The following PDZD2 variants were observed in gnomAD, a reference collection of about 807,000 sequenced individuals.
The protein encoded by PDZD2 is PDZ domain-containing protein 2.
A neutral mutation model predicts 220.7 loss-of-function variants in PDZD2; 90 were observed. The ratio of observed to expected loss-of-function variants is 0.41; its 90% CI spans 0.34 to 0.49. The LOEUF (loss-of-function observed/expected upper bound fraction) is 0.49, where lower values mean the gene tolerates loss of function less well. PDZD2 is among the 20% of genes least tolerant of loss of function. The probability of loss-of-function intolerance (pLI) is 0.28; values close to 1 mark genes in which losing one functional copy is unlikely to be tolerated. For synonymous variants in PDZD2, 1,375 were observed against 1,450.5 expected, an observed-to-expected ratio of 0.95 and a Z score of 1.18; for missense variants, 3,174 against 3,608.5, an observed-to-expected ratio of 0.88 and a Z score of 3.08.
chr5:31,690,201 G>A (rs1469048987), intron 1 of PDZD2, among the ~76,000 whole-genome samples: 1 of 152,022 alleles, frequency 6.6e-6, no homozygotes, highest in Non-Finnish European at 1.5e-5. Context: ...CACCCTTAGA[G>A]GGTTGCATTT....
intron 7 of PDZD2, among the ~76,000 whole-genome samples, chr5:32,043,506 G>A (rs1056063924): frequency 6.6e-6 from 1 of 152,228 alleles, no homozygotes; most frequent in Non-Finnish European, 1.5e-5. Context: ...GTGCCTTCTA[G>A]GTGCTGTGCC....
Position 31,946,072 on chromosome 5 carries a change from G to A in PDZD2, c.477-37083G>A, listed in dbSNP as rs192805241. Among the ~76,000 whole-genome samples the A allele has an allele frequency of 1.4e-3, 210 of 152,188 alleles. 1 individual carries two copies. The highest frequency in any genetic ancestry group is 4.9e-3 in the African/African-American group (204 of 41,528). ...GGCTGGAGTGCAGTGGCACGATCCC[G>A]GCGCACTGCAACCTCTGCCTCTCAG... is the stretch of plus-strand genomic sequence containing the variant. On this transcript the variant is annotated intron_variant, in intron 2 of 24. Transcript: ENST00000438447.
At chr5:31,911,059 T>C (rs949905668) in intron 2 of PDZD2, among the ~76,000 whole-genome samples, 1 of 152,232 alleles carries the variant, frequency 6.6e-6, no homozygotes, top group Non-Finnish European at 1.5e-5. Flanking sequence ...AAGAGGTTCA[T>C]AATATAATTT....
chr5:31,866,899 T>G (rs776689333), intron 2 of PDZD2, among the ~76,000 whole-genome samples: 10 of 152,186 alleles, frequency 6.6e-5, no homozygotes, highest in African/African-American at 1.9e-4. Flanking sequence ...CTTAAGGAAC[T>G]GAAATAATAG....
rs564441617 is a variant in PDZD2, at chr5:31,929,637, G to A, written c.477-53518G>A. ...GGCTGAGGCGGGTGGATCACCTGAG[G>A]TCGGGAGTTTGAAACCAGCCTGGCC... On this transcript the variant is annotated intron_variant, in intron 2 of 24. Transcript: ENST00000438447. Among the ~76,000 whole-genome samples, 7 of 152,268 alleles carry A rather than the reference G, an allele frequency of 4.6e-5. No individual in the cohort carries two copies. The East Asian group carries it at 1.4e-3, about 29-fold the overall frequency.
intron 2 of PDZD2, among the ~76,000 whole-genome samples, chr5:31,909,666 A>G (rs1376083715): frequency 6.6e-6 from 1 of 152,236 alleles, no homozygotes; most frequent in Non-Finnish European, 1.5e-5. Context: ...AGTGATATAC[A>G]TGAAATAGTC....
rs185962171 is a variant in PDZD2, at chr5:31,943,048, C to A, written c.477-40107C>A. Among the ~76,000 whole-genome samples the A allele has an allele frequency of 2.9e-3, 436 of 152,178 alleles. 3 individuals are homozygous for A. Among genetic ancestry groups the A allele is most frequent in the South Asian group, 0.016 (77 of 4,806 alleles). ...TGAAATCCCGTCTCTACCAAAAATA[C>A]AAAAATCAGCTGGGCGTGGTGGCAC... On this transcript the variant is annotated intron_variant, in intron 2 of 24. Coordinates refer to ENST00000438447, the MANE Select transcript of PDZD2 (RefSeq NM_178140.4).
intron 13 of PDZD2, among the ~76,000 whole-genome samples, chr5:32,060,656 T>C (rs1260774015): frequency 2.0e-5 from 3 of 152,214 alleles, no homozygotes; most frequent in African/African-American, 7.2e-5. Context: ...GGAATAATTT[T>C]ACTTACTCAA....
intron 6 of PDZD2, among the ~76,000 whole-genome samples, chr5:32,013,814 G>A (rs188298921): frequency 8.9e-4 from 135 of 152,210 alleles, no homozygotes; most frequent in African/African-American, 3.1e-3. Context: ...CCCATCACAA[G>A]GCACTCACGG....
intron 1 of PDZD2, among the ~76,000 whole-genome samples, chr5:31,761,049 G>C (rs981638646): frequency 4.6e-5 from 7 of 152,184 alleles, no homozygotes; most frequent in African/African-American, 1.7e-4. Context: ...ACTCCGTGTG[G>C]GGAGGGGCAC....
Position 31,651,915 on chromosome 5 carries a change from G to A in PDZD2, c.-361+12478G>A, listed in dbSNP as rs1456406961. Among the ~76,000 whole-genome samples the A allele has an allele frequency of 2.0e-5, 3 of 149,232 alleles. No individual in the cohort carries two copies. The Admixed American group carries it at 2.0e-4, about 10-fold the overall frequency. On this transcript the variant is annotated intron_variant, in intron 1 of 24. Transcript: ENST00000438447. ...TCACTGGAACTTCCACCCTCTCTGG[G>A]TTCAAGCAATTTTCCTGTCTCAGCC...
intron 2 of PDZD2, among the ~76,000 whole-genome samples, chr5:31,869,803 C>G (rs1738608831): frequency 6.6e-6 from 1 of 152,108 alleles, no homozygotes; most frequent in South Asian, 2.1e-4. Context: ...AGTGCTGCAG[C>G]CGAGCTCACA....
chr5:32,054,198 G>A (rs1212163022), intron 10 of PDZD2, among the ~76,000 whole-genome samples: 1 of 151,796 alleles, frequency 6.6e-6, no homozygotes, highest in African/African-American at 2.4e-5. Context: ...TGAGAGTTTG[G>A]GGTCCATTCT....
At chr5:31,651,359 C>T (rs1580517437) in intron 1 of PDZD2, among the ~76,000 whole-genome samples, 1 of 152,318 alleles carries the variant, frequency 6.6e-6, no homozygotes, top group East Asian at 1.9e-4. Flanking sequence ...GTAACCAGAA[C>T]TTTGCCCGAG....
intron 8 of PDZD2, among the ~76,000 whole-genome samples, chr5:32,050,874 A>G (rs1738475174): frequency 6.6e-6 from 1 of 152,208 alleles, no homozygotes; most frequent in East Asian, 1.9e-4. Flanking sequence ...TGACCTCTCC[A>G]GTAAAACTTT....
At chr5:31,944,889 G>A (rs1472511265) in intron 2 of PDZD2, among the ~76,000 whole-genome samples, 1 of 152,248 alleles carries the variant, frequency 6.6e-6, no homozygotes, top group African/African-American at 2.4e-5. Context: ...CTTGCCTGTA[G>A]CCAATTACCT....
chr5:31,697,161 T>C (rs1423834460), intron 1 of PDZD2, among the ~76,000 whole-genome samples: 1 of 152,126 alleles, frequency 6.6e-6, no homozygotes. Context: ...GTAGAAAGTT[T>C]AGAAAATAGG....
At chr5:31,947,686 A>G (rs1438261546) in intron 2 of PDZD2, among the ~76,000 whole-genome samples, 2 of 152,180 alleles carry the variant, frequency 1.3e-5, no homozygotes, top group East Asian at 1.9e-4. Flanking sequence ...GCGTGGTGGC[A>G]CAAGCCTGTG....
intron 1 of PDZD2, among the ~76,000 whole-genome samples, chr5:31,758,072 G>A (rs953638163): frequency 3.3e-5 from 5 of 152,198 alleles, no homozygotes; most frequent in East Asian, 1.9e-4. Flanking sequence ...TGTTTTGTAC[G>A]TCTCGCCTGA....
Sources: allele counts gnomAD v4.1 joint callset (sites outside exome capture counted in the v4.1 genomes callset), GRCh38; gene constraint gnomAD v4.1.1; transcripts MANE v1.5; gene names NCBI Gene and HGNC (gene_info 2026-07-23, HGNC 2026-07-21).